The following FHIT variants were observed in gnomAD, a reference collection of about 807,000 sequenced individuals.
FHIT encodes the protein bis(5'-adenosyl)-triphosphatase.
Under a neutral mutation model 17.9 loss-of-function variants are expected in FHIT, and 19 were observed. The observed-to-expected ratio is 1.06, with a 90% confidence interval of 0.74 to 1.56. The LOEUF is 1.56. Ranked by LOEUF, FHIT falls within the 40% of genes most tolerant of loss-of-function variation. FHIT has a pLI of 0.00. For missense variants in FHIT, 248 were observed against 189.2 expected (o/e 1.31, Z -1.82); for synonymous variants, 81 against 69.7 (o/e 1.16, Z -0.81).
At chr3:60,666,726 T>G (rs1235524014) in intron 4 of FHIT, among the ~76,000 whole-genome samples, 3 of 152,196 alleles carry the variant, frequency 2.0e-5, no homozygotes, top group Admixed American at 2.0e-4. Context: ...TGGAGTATAG[T>G]GGCACAATCA....
chr3:60,433,277 G>A (rs1176462042), intron 5 of FHIT, among the ~76,000 whole-genome samples: 1 of 151,898 alleles, frequency 6.6e-6, no homozygotes, highest in Non-Finnish European at 1.5e-5. Context: ...TATGTGGGGG[G>A]TGTACTATAC....
chr3:60,672,874 CGTGTGTGTGTGT>C (rs71629109), intron 4 of FHIT, among the ~76,000 whole-genome samples: 13 of 139,566 alleles, frequency 9.3e-5, no homozygotes, highest in African/African-American at 3.4e-4. Context: ...CTCTTTGTAG[CGTGTGTGTGTGT>C]GTGTGTGTGT....
intron 3 of FHIT, among the ~76,000 whole-genome samples, chr3:60,851,485 A>T (rs1290257050): frequency 6.6e-6 from 1 of 152,182 alleles, no homozygotes; most frequent in Non-Finnish European, 1.5e-5. Flanking sequence ...ATTTTCTAAG[A>T]GGCATATATT....
chr3:60,714,426 C>G (rs552019916), intron 4 of FHIT, among the ~76,000 whole-genome samples: 2,859 of 152,238 alleles, frequency 0.019, 108 homozygotes, highest in African/African-American at 0.065. Flanking sequence ...GTTGGAAGTT[C>G]TGGCCAGGGC....
chr3:61,139,798 T>C (rs1049697315), intron 2 of FHIT, among the ~76,000 whole-genome samples: 3 of 152,144 alleles, frequency 2.0e-5, no homozygotes, highest in Non-Finnish European at 2.9e-5. Context: ...CTTTAAGGAA[T>C]GCTGGTACTT....
chr3:61,228,805 A>G (rs1418337296), intron 1 of FHIT, among the ~76,000 whole-genome samples: 2 of 152,202 alleles, frequency 1.3e-5, no homozygotes, highest in Non-Finnish European at 2.9e-5. Context: ...CAGCCTGGAG[A>G]AAAGCAATGG....
intron 5 of FHIT, among the ~76,000 whole-genome samples, chr3:60,171,410 C>G (rs1247639731): frequency 6.6e-6 from 1 of 152,150 alleles, no homozygotes; most frequent in African/African-American, 2.4e-5. Context: ...GTACTCCCAT[C>G]AGCCTGCCAT....
intron 5 of FHIT, among the ~76,000 whole-genome samples, chr3:60,205,351 G>A (rs1703124228): frequency 6.6e-6 from 1 of 152,152 alleles, no homozygotes; most frequent in African/African-American, 2.4e-5. Flanking sequence ...ATACACGTAT[G>A]TATTAACATA....
chr3:60,292,055 C>T (rs1708008334), intron 5 of FHIT, among the ~76,000 whole-genome samples: 1 of 152,026 alleles, frequency 6.6e-6, no homozygotes, highest in South Asian at 2.1e-4. Flanking sequence ...TGACTACCAA[C>T]ACCAGTGATA....
At chr3:60,336,446 G>C (rs1710244509) in intron 5 of FHIT, among the ~76,000 whole-genome samples, 1 of 152,168 alleles carries the variant, frequency 6.6e-6, no homozygotes, top group Non-Finnish European at 1.5e-5. Flanking sequence ...CTTTATTCTA[G>C]AACACTTGAA....
intron 5 of FHIT, among the ~76,000 whole-genome samples, chr3:60,318,144 T>C (rs937980423): frequency 5.9e-5 from 9 of 152,024 alleles, no homozygotes; most frequent in Non-Finnish European, 1.0e-4. Flanking sequence ...GAACACATCA[T>C]GGTATAATGC....
chr3:59,802,736 G>A (rs946224118), intron 8 of FHIT, among the ~76,000 whole-genome samples: 6 of 152,110 alleles, frequency 3.9e-5, no homozygotes, highest in East Asian at 1.9e-4. Flanking sequence ...ATGGACACGC[G>A]TGACAATTGT....
chr3:60,421,784 T>A (rs1374486432), intron 5 of FHIT, among the ~76,000 whole-genome samples: 1 of 152,146 alleles, frequency 6.6e-6, no homozygotes, highest in African/African-American at 2.4e-5. Context: ...CAGGACATTC[T>A]GTTCTATTAT....
intron 5 of FHIT, among the ~76,000 whole-genome samples, chr3:60,262,953 A>G (rs1706379240): frequency 6.6e-6 from 1 of 151,964 alleles, no homozygotes; most frequent in African/African-American, 2.4e-5. Context: ...CTAGAAGAAC[A>G]TATTTTTAAT....
At chr3:60,884,795 C>G (rs1433893422) in intron 3 of FHIT, among the ~76,000 whole-genome samples, 4 of 151,298 alleles carry the variant, frequency 2.6e-5, no homozygotes, top group African/African-American at 9.7e-5. Context: ...GTCCTAGCTA[C>G]TTGGAAGACC....
At chr3:60,358,260 G>C (rs76472458) in intron 5 of FHIT, among the ~76,000 whole-genome samples, 9,783 of 152,212 alleles carry the variant, frequency 0.064, 535 homozygotes, top group African/African-American at 0.16. Context: ...ACTCATTTTA[G>C]AGAACAATCC....
chr3:60,788,101 A>G (rs886191468), intron 4 of FHIT, among the ~76,000 whole-genome samples: 1 of 152,214 alleles, frequency 6.6e-6, no homozygotes, highest in Non-Finnish European at 1.5e-5. Context: ...AAAAGTAAAC[A>G]TTTAAAAAGT....
chr3:60,611,303 C>T lies in FHIT; in HGVS notation c.-17-74324G>A, dbSNP rs115722092. 2.1e-3 allele frequency among the ~76,000 whole-genome samples: 327 copies of T among 152,246 alleles called. 1 individual carries two copies. Among genetic ancestry groups the T allele is most frequent in the Non-Finnish European group, 4.2e-3 (283 of 68,008 alleles). ...TAGATTTGCCTTTTAACAAAACATT[C>T]CTAGGTAGATGTTTATGGTAAAGCT... On this transcript the variant is annotated intron_variant, in intron 4 of 9. Coordinates refer to ENST00000492590, the MANE Select transcript of FHIT (RefSeq NM_002012.4).
At chr3:60,754,272 T>G (rs1271101275) in intron 4 of FHIT, among the ~76,000 whole-genome samples, 5 of 152,200 alleles carry the variant, frequency 3.3e-5, no homozygotes, top group Non-Finnish European at 2.9e-5. Context: ...AGCTCTTAAA[T>G]GTAAAGATGA....
Sources: allele counts gnomAD v4.1 joint callset (sites outside exome capture counted in the v4.1 genomes callset), GRCh38; gene constraint gnomAD v4.1.1; transcripts MANE v1.5; gene names NCBI Gene and HGNC (gene_info 2026-07-23, HGNC 2026-07-21).